The following ZNF704 variants were observed in gnomAD, a reference collection of about 807,000 sequenced individuals.
ZNF704 encodes zinc finger protein 704, also known as glucocorticoid induced gene 1.
In ZNF704, 10 loss-of-function variants were observed where a neutral mutation model predicts 44.7. The ratio of observed to expected loss-of-function variants is 0.22; its 90% CI spans 0.14 to 0.38. The LOEUF (loss-of-function observed/expected upper bound fraction) is 0.38, where lower values mean the gene tolerates loss of function less well. Among genes scored for constraint, ZNF704 ranks in the 10% least tolerant of loss-of-function variants. ZNF704 has a pLI of 1.00. For missense variants in ZNF704, 390 were observed against 545.5 expected (o/e 0.71, Z 2.84); for synonymous variants, 211 against 207.6 (o/e 1.02, Z -0.14).
intron 1 of ZNF704, among the ~76,000 whole-genome samples, chr8:80,834,180 C>T (rs563662925): frequency 4.7e-5 from 7 of 149,618 alleles, no homozygotes; most frequent in Non-Finnish European, 8.9e-5. Context: ...GGTGGCCGAG[C>T]GAGACCCTGA....
At chr8:80,769,322 G>C (rs1025532151) in intron 2 of ZNF704, among the ~76,000 whole-genome samples, 1 of 152,168 alleles carries the variant, frequency 6.6e-6, no homozygotes, top group African/African-American at 2.4e-5. Context: ...AATATAGAGA[G>C]TTCCCATGTA....
At chr8:80,783,714 T>C (rs142504461) in intron 2 of ZNF704, among the ~76,000 whole-genome samples, 496 of 152,240 alleles carry the variant, frequency 3.3e-3, no homozygotes, top group South Asian at 9.5e-3. Flanking sequence ...TCAACACAGT[T>C]ACAACTGATG....
chr8:80,659,599 A>G lies in ZNF704; in HGVS notation c.1018T>C (p.Phe340Leu), dbSNP rs1818067718. 1 of 1,613,924 alleles carries G rather than the reference A, an allele frequency of 6.2e-7. No individual in the cohort carries two copies. The highest frequency in any genetic ancestry group is 8.5e-7 in the Non-Finnish European group (1 of 1,179,842). Residue 340 changes from phenylalanine (F) to leucine (L), a missense_variant, in exon 7 of 9, where the codon TTC becomes CTC. Physicochemically the swap from Phe to Leu is conservative, Grantham distance 22. Coordinates refer to ENST00000327835, the MANE Select transcript of ZNF704 (RefSeq NM_001033723.3). ...SISWQSPPVT[F>L]TGIPVSPTHH... ...TTTCTACTTACTGGGATGCCTGTGA[A>G]AGTGACCGGAGGAGATTGCCAGGAA...
rs2131581527 is a variant in ZNF704, at chr8:80,634,214, C to T, written c.*7152G>A. 1 of 152,288 alleles carries T rather than the reference C, an allele frequency of 6.6e-6. No individual in the cohort carries two copies. Among genetic ancestry groups the T allele is most frequent in the South Asian group, 2.1e-4 (1 of 4,832 alleles). 9.4% of individuals were successfully genotyped at this position (152,288 alleles called of 1,614,324 possible). On this transcript the variant is annotated 3_prime_UTR_variant, in exon 9 of 9. Transcript: ENST00000327835. ...ATCACAGTGGCCACGGTAGAAAACA[C>T]TAAGAAAATTAGGATAACAGTGATT...
intron 2 of ZNF704, among the ~76,000 whole-genome samples, chr8:80,785,890 C>A (rs889098393): frequency 1.3e-5 from 2 of 152,166 alleles, no homozygotes; most frequent in Non-Finnish European, 1.5e-5. Context: ...TGTTTCTAGG[C>A]CATCTTGGCT....
chr8:80,822,273 GC>G (rs772789476), intron 1 of ZNF704, among the ~76,000 whole-genome samples: 1 of 72,058 alleles, frequency 1.4e-5, no homozygotes, highest in African/African-American at 7.2e-5. Context: ...CTTCCCCCCC[GC>G]CCCCAACCCA....
chr8:80,736,816 A>C (rs908396498), intron 2 of ZNF704, among the ~76,000 whole-genome samples: 3 of 152,152 alleles, frequency 2.0e-5, no homozygotes, highest in Non-Finnish European at 2.9e-5. Flanking sequence ...ATGTAATCAA[A>C]CACCACCTGT....
chr8:80,803,101 A>G (rs1450483797), intron 2 of ZNF704, among the ~76,000 whole-genome samples: 1 of 152,174 alleles, frequency 6.6e-6, no homozygotes, highest in Non-Finnish European at 1.5e-5. Flanking sequence ...ATTGCTACAA[A>G]AAAATAAAAT....
At chr8:80,652,979 T>A (rs1389415205) in intron 7 of ZNF704, among the ~76,000 whole-genome samples, 1 of 152,166 alleles carries the variant, frequency 6.6e-6, no homozygotes, top group Admixed American at 6.5e-5. Flanking sequence ...CATGATCAAG[T>A]GGGCTTCATC....
intron 6 of ZNF704, among the ~76,000 whole-genome samples, chr8:80,660,164 C>T (rs1818076388): frequency 1.3e-5 from 2 of 152,050 alleles, no homozygotes; most frequent in South Asian, 2.1e-4. Flanking sequence ...GTTCCTTGCA[C>T]AACTATATAT....
intron 4 of ZNF704, among the ~76,000 whole-genome samples, chr8:80,680,966 G>A (rs1463354449): frequency 6.6e-6 from 1 of 152,194 alleles, no homozygotes; most frequent in East Asian, 1.9e-4. Context: ...GAATAACCCA[G>A]AATGTATTCT....
At chr8:80,817,143 G>A (rs1808189028) in intron 2 of ZNF704, among the ~76,000 whole-genome samples, 1 of 152,174 alleles carries the variant, frequency 6.6e-6, no homozygotes, top group Non-Finnish European at 1.5e-5. Context: ...AACTCAAAGG[G>A]CAGGGAGACT....
At position 80,636,201 on chromosome 8, in the gene ZNF704, T is replaced by C. The variant is rs949422209; in HGVS notation, c.*5165A>G. On this transcript the variant is annotated 3_prime_UTR_variant, in exon 9 of 9. Coordinates refer to ENST00000327835, the MANE Select transcript of ZNF704 (RefSeq NM_001033723.3). ...AAATTAAGTTATAATTGTTTTTGTA[T>C]TTAAAGGTTATGTTTTGCCAAGACA... 2.6e-5 allele frequency: 4 copies of C among 152,236 alleles called. No individual in the cohort carries two copies. Among genetic ancestry groups the C allele is most frequent in the Non-Finnish European group, 5.9e-5 (4 of 68,040 alleles). 9.4% of individuals were successfully genotyped at this position (152,236 alleles called of 1,614,324 possible). A position where few individuals can be genotyped will look rare whatever the true frequency, so the allele number is the denominator to read the frequency against.
intron 1 of ZNF704, among the ~76,000 whole-genome samples, chr8:80,873,387 C>CCGCGCGGCCGCCCGCGCCGCCT (rs1229046007): frequency 1.1e-4 from 17 of 151,192 alleles, no homozygotes; most frequent in African/African-American, 3.4e-4. Flanking sequence ...TCGCGCTGCC[C>CCGCGCGGCCGCCCGCGCCGCCT]CGCGCGGCCG....
chr8:80,679,305 A>T (rs1818415381), intron 4 of ZNF704, among the ~76,000 whole-genome samples: 1 of 151,930 alleles, frequency 6.6e-6, no homozygotes, highest in African/African-American at 2.4e-5. Context: ...AACTATATCC[A>T]GTTGAAACAA....
At chr8:80,719,502 G>A (rs1039856440) in intron 2 of ZNF704, among the ~76,000 whole-genome samples, 4 of 152,128 alleles carry the variant, frequency 2.6e-5, no homozygotes, top group African/African-American at 7.2e-5. Context: ...ATGGCAGGGT[G>A]GCCCTTTTCA....
At chr8:80,674,338 T>C (rs1316917531) in intron 4 of ZNF704, among the ~76,000 whole-genome samples, 1 of 152,246 alleles carries the variant, frequency 6.6e-6, no homozygotes, top group Non-Finnish European at 1.5e-5. Context: ...TTAGTCCATT[T>C]TGCATTGCCA....
intron 1 of ZNF704, among the ~76,000 whole-genome samples, chr8:80,826,787 T>C (rs969315256): frequency 2.0e-5 from 3 of 152,092 alleles, no homozygotes; most frequent in Non-Finnish European, 4.4e-5. Context: ...AATCAATAAA[T>C]GTAATCCATC....
chr8:80,794,655 A>C (rs1332134741), intron 2 of ZNF704, among the ~76,000 whole-genome samples: 8 of 152,224 alleles, frequency 5.3e-5, no homozygotes. Flanking sequence ...CAAACAGTAA[A>C]ACTGCCAAGA....
Sources: allele counts gnomAD v4.1 joint callset (sites outside exome capture counted in the v4.1 genomes callset), GRCh38; gene constraint gnomAD v4.1.1; transcripts MANE v1.5; gene names NCBI Gene and HGNC (gene_info 2026-07-23, HGNC 2026-07-21).